The following PCDH11X variants were observed in gnomAD, a reference collection of about 807,000 sequenced individuals.
PCDH11X encodes protocadherin-11 X-linked.
Under a neutral mutation model 53.3 loss-of-function variants are expected in PCDH11X, and 18 were observed. That is an observed-to-expected ratio of 0.34 (90% CI 0.23 to 0.50). The LOEUF (loss-of-function observed/expected upper bound fraction) is 0.50, where lower values mean the gene tolerates loss of function less well. Ranked by LOEUF, PCDH11X falls within the 20% of genes least tolerant of loss-of-function variation. The pLI is 0.98. For missense variants in PCDH11X, 570 were observed against 1,032.4 expected, an observed-to-expected ratio of 0.55 and a Z score of 6.14; for synonymous variants, 279 against 393.3, an observed-to-expected ratio of 0.71 and a Z score of 3.44.
chrX:92,395,840 A>G lies in PCDH11X; in HGVS notation c.3343+7907A>G, dbSNP rs779199716. ...CAGCTACTTTTGAAATTTAAATGAA[A>G]CAACTCATGAGAGAAAAGTAGTATA... On this transcript the variant is annotated intron_variant, in intron 9 of 10. Transcript: ENST00000682573. Among the ~76,000 whole-genome samples, 5 of 109,822 alleles carry G rather than the reference A, an allele frequency of 4.6e-5. No homozygotes were observed. In the South Asian group the frequency reaches 1.9e-3, roughly 43 times the overall value.
chrX:92,412,538 T>TAG (rs2071707604), intron 9 of PCDH11X, among the ~76,000 whole-genome samples: 5 of 53,389 alleles, frequency 9.4e-5, no homozygotes, highest in African/African-American at 2.0e-4. Context: ...TATATATATA[T>TAG]ATATATATAT....
chrX:92,175,348 G>A (rs2065888833), intron 6 of PCDH11X, among the ~76,000 whole-genome samples: 1 of 111,426 alleles, frequency 9.0e-6, no homozygotes, highest in Admixed American at 9.6e-5. Context: ...TACATCGGCA[G>A]CTTCCATGAA....
In PCDH11X at chrX:91,844,183, G is replaced by A. The variant is rs768918555; in HGVS notation, c.540+8139G>A. ...ATACTCCTTAAAAAGCCTATTTTAC[G>A]ACTTAAACTTAGTTTTCCATACATG... On this transcript the variant is annotated intron_variant, in intron 5 of 10. Coordinates refer to ENST00000682573, the MANE Select transcript of PCDH11X (RefSeq NM_032968.5). Among the ~76,000 whole-genome samples the A allele has an allele frequency of 3.2e-4, 36 of 111,193 alleles. 1 individual carries two copies. Among genetic ancestry groups the A allele is most frequent in the Admixed American group, 2.9e-3 (30 of 10,450 alleles).
intron 8 of PCDH11X, among the ~76,000 whole-genome samples, chrX:92,369,910 G>T (rs749353127): frequency 4.2e-4 from 45 of 107,596 alleles, no homozygotes; most frequent in African/African-American, 1.4e-3. Context: ...TGTTGGTCTC[G>T]CTGGGAGCTG....
At chrX:91,855,984 C>G (rs1191314707) in intron 5 of PCDH11X, among the ~76,000 whole-genome samples, 1 of 104,765 alleles carries the variant, frequency 9.5e-6, no homozygotes. Context: ...TTTGGATAAC[C>G]TTTATATCTT....
intron 6 of PCDH11X, among the ~76,000 whole-genome samples, chrX:91,954,426 G>T (rs1278195125): frequency 2.7e-5 from 3 of 111,430 alleles, no homozygotes; most frequent in Non-Finnish European, 5.7e-5. Context: ...ACAGAGGCAT[G>T]CATGTATCTT....
At position 92,534,684 on chromosome X, in the gene PCDH11X, C is replaced by T. The variant is rs1405547694; in HGVS notation, c.3367+66362C>T. Among the ~76,000 whole-genome samples, 11 of 111,258 alleles carry T rather than the reference C, an allele frequency of 9.9e-5. No individual in the cohort carries two copies. In the South Asian group the frequency reaches 1.5e-3, roughly 15 times the overall value. ...GTCAGGTTACCCACAAAGGGAAGCC[C>T]GTCAGACTAACAGCAGATCTCTCAG... On this transcript the variant is annotated intron_variant, in intron 10 of 10. Coordinates refer to ENST00000682573, the MANE Select transcript of PCDH11X (RefSeq NM_032968.5).
intron 8 of PCDH11X, among the ~76,000 whole-genome samples, chrX:92,318,529 C>T (rs2069129304): frequency 9.0e-6 from 1 of 111,035 alleles, no homozygotes; most frequent in Non-Finnish European, 1.9e-5. Context: ...AAAAAAAATA[C>T]AGGCCACAAC....
rs112660790 is a variant in PCDH11X, at chrX:91,835,005, G to A, written c.-44-456G>A. ...CTTTGATGCCCAGAGCTGAAGAAAT[G>A]GACTACTGTATAAATTATTCATTGC... On this transcript the variant is annotated intron_variant, in intron 4 of 10. Coordinates refer to ENST00000682573, the MANE Select transcript of PCDH11X (RefSeq NM_032968.5). 4.3e-3 allele frequency: 3,079 copies of A among 712,797 alleles called. 14 individuals carry two copies. Among genetic ancestry groups the A allele is most frequent in the Non-Finnish European group, 4.9e-3 (2,927 of 598,318 alleles). The allele number at this position is 712,797 out of a possible 1,213,427, so 58.7% of individuals were successfully genotyped here. A position where few individuals can be genotyped will look rare whatever the true frequency, so the allele number is the denominator to read the frequency against.
At chrX:92,491,385 C>G (rs1352132045) in intron 10 of PCDH11X, among the ~76,000 whole-genome samples, 4 of 110,723 alleles carry the variant, frequency 3.6e-5, no homozygotes, top group African/African-American at 9.8e-5. Flanking sequence ...CAGCTTTATA[C>G]AAGAGATTTG....
intron 6 of PCDH11X, among the ~76,000 whole-genome samples, chrX:91,946,566 T>TAC (rs1270760669): frequency 6.4e-5 from 5 of 77,759 alleles, no homozygotes; most frequent in African/African-American, 2.5e-4. Context: ...CTCATATATA[T>TAC]ATATATATAT....
At chrX:91,925,650 G>A (rs1216616058) in intron 6 of PCDH11X, among the ~76,000 whole-genome samples, 2 of 110,739 alleles carry the variant, frequency 1.8e-5, no homozygotes, top group East Asian at 5.7e-4. Flanking sequence ...AAAGCAGATA[G>A]ATTGTTTCCA....
Position 92,193,041 on chromosome X carries a change from C to A in PCDH11X, c.3034-8334C>A, listed in dbSNP as rs1467634711. On this transcript the variant is annotated intron_variant, in intron 6 of 10. Coordinates refer to ENST00000682573, the MANE Select transcript of PCDH11X (RefSeq NM_032968.5). ...GGTGTGAGCCACCATGCCTGGCCCCCAGGTTATACAATTATAATTCATTTA... is the reference window on the plus strand; with the variant it reads ...GGTGTGAGCCACCATGCCTGGCCCCAAGGTTATACAATTATAATTCATTTA... Among the ~76,000 whole-genome samples the A allele has an allele frequency of 2.7e-5, 3 of 111,815 alleles. No individual in the cohort carries two copies. In the Admixed American group the frequency reaches 2.8e-4, roughly 11 times the overall value.
intron 7 of PCDH11X, among the ~76,000 whole-genome samples, chrX:92,237,609 G>T (rs946415389): frequency 7.2e-5 from 8 of 111,032 alleles, no homozygotes; most frequent in Admixed American, 3.9e-4. Context: ...TCAGTACAGG[G>T]ATATAATTTC....
chrX:92,575,993 TATATATATATATATATATAC>T (rs1279258351), intron 10 of PCDH11X, among the ~76,000 whole-genome samples: 4 of 42,003 alleles, frequency 9.5e-5, no homozygotes, highest in African/African-American at 2.7e-4. Flanking sequence ...TATATATATA[TATATATATATATATATATAC>T]ACACACACAC....
chrX:92,562,657 C>T (rs766513011), intron 10 of PCDH11X, among the ~76,000 whole-genome samples: 19 of 110,186 alleles, frequency 1.7e-4, no homozygotes, highest in African/African-American at 5.9e-4. Flanking sequence ...GCAGCCAGGC[C>T]AAATCTTGAA....
At chrX:92,031,567 T>C (rs1411490578) in intron 6 of PCDH11X, among the ~76,000 whole-genome samples, 7 of 111,786 alleles carry the variant, frequency 6.3e-5, no homozygotes, top group Admixed American at 1.9e-4. Context: ...CAGACCAATG[T>C]CCTGGAGCAT....
At chrX:92,421,972 GTTTA>G (rs1455441589) in intron 9 of PCDH11X, among the ~76,000 whole-genome samples, 4 of 109,469 alleles carry the variant, frequency 3.7e-5, no homozygotes, top group Non-Finnish European at 7.6e-5. Flanking sequence ...CTTTGGAATT[GTTTA>G]TTTTAGATAT....
rs367017 is a variant in PCDH11X at position 92,242,989 on chromosome X, T to G, written c.3115-20125T>G. ...TTTTTTTACTATTGAATTTTTAAAGTTCATTAGTAGTGTAGATATTATTCC... is the reference window on the plus strand; with the variant it reads ...TTTTTTTACTATTGAATTTTTAAAGGTCATTAGTAGTGTAGATATTATTCC... On this transcript the variant is annotated intron_variant, in intron 7 of 10. Transcript: ENST00000682573. 3.0e-3 allele frequency among the ~76,000 whole-genome samples: 335 copies of G among 110,885 alleles called. 3 individuals carry two copies. The highest frequency in any genetic ancestry group is 4.3e-3 in the Non-Finnish European group (228 of 52,960).
Sources: gnomAD v4.1 joint callset for allele counts (sites outside exome capture counted in the v4.1 genomes callset) on GRCh38, gnomAD v4.1.1 for gene constraint, MANE v1.5 for transcripts, NCBI Gene and HGNC (gene_info 2026-07-23, HGNC 2026-07-21) for gene names.